Variants in CAMTA1 observed in about 807,000 individuals in gnomAD.
CAMTA1 encodes the protein calmodulin-binding transcription activator 1.
In CAMTA1, 27 loss-of-function variants were observed where a neutral mutation model predicts 170.9. That is an observed-to-expected ratio of 0.16 (90% CI 0.12 to 0.22). The LOEUF (loss-of-function observed/expected upper bound fraction) is 0.22, where lower values mean the gene tolerates loss of function less well. CAMTA1 is among the 10% of genes least tolerant of loss of function. CAMTA1 has a pLI of 1.00. For synonymous variants in CAMTA1, 833 were observed against 891.5 expected, an observed-to-expected ratio of 0.93 and a Z score of 1.17; for missense variants, 1,619 against 2,217.2, an observed-to-expected ratio of 0.73 and a Z score of 5.42.
At chr1:7,158,032 G>A (rs545752119) in intron 4 of CAMTA1, among the ~76,000 whole-genome samples, 7 of 152,202 alleles carry the variant, frequency 4.6e-5, no homozygotes, top group South Asian at 2.1e-4. Context: ...GGTGGTGGGC[G>A]CCTGTAGTCC....
At chr1:7,670,884 C>T in intron 9 of CAMTA1, 27 bp from the exon 10 acceptor site, 1 of 1,612,002 alleles carries the variant, frequency 6.2e-7, no homozygotes, top group Non-Finnish European at 8.5e-7. Context: ...CACACTCCAA[C>T]TCTGTTCCCC....
chr1:7,394,795 C>T (rs2089110308), intron 5 of CAMTA1, among the ~76,000 whole-genome samples: 1 of 148,160 alleles, frequency 6.7e-6, no homozygotes, highest in Admixed American at 6.8e-5. Flanking sequence ...AGCATTTCCC[C>T]TATATTTTCT....
Position 7,677,744 on chromosome 1 carries a change from T to C in CAMTA1, c.2914+11T>C. The C allele has an allele frequency of 6.2e-7, 1 of 1,610,092 alleles. No homozygotes were observed. Among genetic ancestry groups the C allele is most frequent in the Non-Finnish European group, 8.5e-7 (1 of 1,178,176 alleles). Reference sequence around the variant, plus strand: ...GGCTGTCGTTGGACGGTAAGAACAGTGCTTGGGTCGTCTTGCCAGGCACCA... The same window carrying C: ...GGCTGTCGTTGGACGGTAAGAACAGCGCTTGGGTCGTCTTGCCAGGCACCA... On this transcript the variant is annotated intron_variant, in intron 11 of 22. Transcript: ENST00000303635.
At chr1:7,021,211 C>G (rs935667556) in intron 3 of CAMTA1, among the ~76,000 whole-genome samples, 5 of 152,174 alleles carry the variant, frequency 3.3e-5, no homozygotes, top group South Asian at 2.1e-4. Flanking sequence ...TGAACGTGGC[C>G]GTGATGAATT....
intron 5 of CAMTA1, among the ~76,000 whole-genome samples, chr1:7,273,204 G>A (rs573123966): frequency 6.6e-6 from 1 of 152,314 alleles, no homozygotes; most frequent in East Asian, 1.9e-4. Flanking sequence ...TCCTCAGAAT[G>A]TTAAACATTG....
chr1:7,082,080 T>C (rs1640087220), intron 3 of CAMTA1, among the ~76,000 whole-genome samples: 1 of 152,180 alleles, frequency 6.6e-6, no homozygotes, highest in Admixed American at 6.5e-5. Context: ...TATCCTGGGC[T>C]GTAATCATGG....
rs1014567345 is a variant in CAMTA1, at chr1:7,265,907, C to T, written c.438+16281C>T. On this transcript the variant is annotated intron_variant, in intron 5 of 22. Coordinates refer to ENST00000303635, the MANE Select transcript of CAMTA1 (RefSeq NM_015215.4). ...CTGACTCATAATGAGAAACAGGATA[C>T]GGCTCAGTGACAAGGGTAGGGCTTG... Among the ~76,000 whole-genome samples the T allele has an allele frequency of 5.9e-5, 9 of 152,166 alleles. No homozygotes were observed. In the South Asian group the frequency reaches 8.3e-4, roughly 14 times the overall value.
chr1:7,074,985 A>G (rs1368497045), intron 3 of CAMTA1, among the ~76,000 whole-genome samples: 1 of 152,238 alleles, frequency 6.6e-6, no homozygotes, highest in Non-Finnish European at 1.5e-5. Flanking sequence ...AGCTGGAGAC[A>G]TGCCTCCTAC....
intron 6 of CAMTA1, among the ~76,000 whole-genome samples, chr1:7,610,818 C>G (rs1479354976): frequency 2.0e-5 from 3 of 152,232 alleles, no homozygotes; most frequent in African/African-American, 2.4e-5. Flanking sequence ...CAGCCAGGCC[C>G]AGCAGCAGCA....
intron 3 of CAMTA1, among the ~76,000 whole-genome samples, chr1:6,904,198 A>G (rs1392392992): frequency 2.0e-5 from 3 of 152,216 alleles, no homozygotes; most frequent in East Asian, 1.9e-4. Context: ...TTCTCATGTT[A>G]GAATTCACTG....
At chr1:6,856,162 A>G (rs1662269313) in intron 3 of CAMTA1, among the ~76,000 whole-genome samples, 1 of 152,134 alleles carries the variant, frequency 6.6e-6, no homozygotes, top group African/African-American at 2.4e-5. Context: ...AGGTGCTTGT[A>G]GAGATGGGTA....
rs376628282 is a variant in CAMTA1, at chr1:6,941,977, C to T, written c.234+116767C>T. On this transcript the variant is annotated intron_variant, in intron 3 of 22. Coordinates refer to ENST00000303635, the MANE Select transcript of CAMTA1 (RefSeq NM_015215.4). ...GAGGATGGACAACACTGGCCTTGCT[C>T]GAGTGAGTCAGGGCTGCGCTGCTGT... 3.3e-5 allele frequency among the ~76,000 whole-genome samples: 5 copies of T among 152,340 alleles called. No individual in the cohort carries two copies. The East Asian group carries it at 5.8e-4, about 18-fold the overall frequency.
intron 3 of CAMTA1, among the ~76,000 whole-genome samples, chr1:6,968,048 C>T (rs964315866): frequency 6.6e-6 from 1 of 152,232 alleles, no homozygotes; most frequent in Non-Finnish European, 1.5e-5. Context: ...AATTGCCAAA[C>T]TGAGCTGGCA....
intron 3 of CAMTA1, among the ~76,000 whole-genome samples, chr1:7,021,163 G>C (rs1701283092): frequency 6.6e-6 from 1 of 152,254 alleles, no homozygotes; most frequent in South Asian, 2.1e-4. Context: ...TCAAGCCCTT[G>C]CCAAGTGGAA....
At chr1:7,458,095 C>T (rs2093003527) in intron 5 of CAMTA1, among the ~76,000 whole-genome samples, 1 of 152,156 alleles carries the variant, frequency 6.6e-6, no homozygotes, top group Non-Finnish European at 1.5e-5. Flanking sequence ...GGCGGGTGGC[C>T]AGCTTTTTGA....
At chr1:7,627,811 G>A (rs531652076) in intron 6 of CAMTA1, among the ~76,000 whole-genome samples, 1 of 152,330 alleles carries the variant, frequency 6.6e-6, no homozygotes, top group East Asian at 1.9e-4. Context: ...TGAGGTTGTA[G>A]TGAGGATTAA....
Position 7,014,794 on chromosome 1 carries a change from C to T in CAMTA1, c.235-76510C>T, listed in dbSNP as rs542746995. Among the ~76,000 whole-genome samples the T allele has an allele frequency of 2.6e-5, 4 of 152,116 alleles. No individual in the cohort carries two copies. Among genetic ancestry groups the T allele is most frequent in the Non-Finnish European group, 4.4e-5 (3 of 68,024 alleles). ...AGCTACCTTTCGGGGTCTGTGGACC[C>T]TCTCAGACCCTGCAGCATGTCGGGG... On this transcript the variant is annotated intron_variant, in intron 3 of 22. Transcript: ENST00000303635. This position sits in a 1 kb window ranked among gnomAD's most constrained non-coding sequence, Gnocchi z 4.2.
intron 6 of CAMTA1, among the ~76,000 whole-genome samples, chr1:7,571,009 A>G (rs7530379): frequency 2.0e-5 from 3 of 152,284 alleles, no homozygotes; most frequent in Admixed American, 1.3e-4. Context: ...TGTCCCTCCC[A>G]GAGCCAGGCC....
At position 6,971,357 on chromosome 1, in the gene CAMTA1, C is replaced by T. The variant is rs77977945; in HGVS notation, c.235-119947C>T. The stretch of plus-strand genomic sequence containing the variant: ...AAAAGGTAATCAAATAGCAGACGAT[C>T]GGATTGTATCCGTGTCATTCTGCTG... On this transcript the variant is annotated intron_variant, in intron 3 of 22. Coordinates refer to ENST00000303635, the MANE Select transcript of CAMTA1 (RefSeq NM_015215.4). This position sits in a 1 kb window ranked among gnomAD's most constrained non-coding sequence, Gnocchi z 4.6. Among the ~76,000 whole-genome samples the T allele has an allele frequency of 3.9e-5, 6 of 152,126 alleles. No individual in the cohort carries two copies. Among genetic ancestry groups the T allele is most frequent in the African/African-American group, 1.4e-4 (6 of 41,426 alleles).
Sources: gnomAD v4.1 joint callset for allele counts (sites outside exome capture counted in the v4.1 genomes callset) on GRCh38, gnomAD v4.1.1 for gene constraint, Gnocchi (gnomAD v3.1) non-coding constraint, MANE v1.5 for transcripts, NCBI Gene and HGNC (gene_info 2026-07-23, HGNC 2026-07-21) for gene names.